MTSS1: variants seen among roughly 807,000 people sequenced by gnomAD.
MTSS1 encodes the protein MTSS I-BAR domain containing 1.
A neutral mutation model predicts 79.0 loss-of-function variants in MTSS1; 18 were observed. The observed-to-expected ratio is 0.23, with a 90% CI of 0.16 to 0.34. The LOEUF is 0.34. Ranked by LOEUF, MTSS1 falls within the 10% of genes least tolerant of loss-of-function variation. The pLI is 1.00. For synonymous variants in MTSS1, 341 were observed against 368.6 expected, an observed-to-expected ratio of 0.93 and a Z score of 0.86; for missense variants, 815 against 986.2, an observed-to-expected ratio of 0.83 and a Z score of 2.33.
chr8:124,728,093 C>T lies in MTSS1; in HGVS notation c.-138G>A, dbSNP rs1324734115. The T allele has an allele frequency of 3.1e-6, 2 of 646,776 alleles. No individual in the cohort carries two copies. Among genetic ancestry groups the T allele is most frequent in the African/African-American group, 1.9e-5 (1 of 52,368 alleles). 40.1% of individuals were successfully genotyped at this position (646,776 alleles called of 1,614,324 possible). A position where few individuals can be genotyped will look rare whatever the true frequency, so the allele number is the denominator to read the frequency against. On this transcript the variant is annotated 5_prime_UTR_variant, in exon 1 of 14. Transcript: ENST00000518547. The surrounding 1 kb of genome is among the most constrained non-coding windows in gnomAD (Gnocchi z 6.1). ...CTCGCAGCCTCTTCTGCAGCGAGGA[C>T]GGGGTGCACCAGACCGACTGTTCTC...
chr8:124,720,907 G>A (rs992735085), intron 1 of MTSS1, among the ~76,000 whole-genome samples: 1 of 152,144 alleles, frequency 6.6e-6, no homozygotes, highest in African/African-American at 2.4e-5. Flanking sequence ...CTCTTATCAG[G>A]TTCATCAGAC....
chr8:124,645,057 C>T (rs1818753347), intron 3 of MTSS1, among the ~76,000 whole-genome samples: 1 of 152,092 alleles, frequency 6.6e-6, no homozygotes, highest in Admixed American at 6.6e-5. Flanking sequence ...GAGACCCTCT[C>T]AAAATAGTGC....
chr8:124,697,693 T>C (rs1246340848), intron 3 of MTSS1, among the ~76,000 whole-genome samples: 2 of 152,118 alleles, frequency 1.3e-5, no homozygotes, highest in Admixed American at 1.3e-4. Context: ...TGCAATACTA[T>C]AGGCCCTGCA....
At chr8:124,608,958 T>C (rs781588778) in intron 3 of MTSS1, among the ~76,000 whole-genome samples, 2 of 152,214 alleles carry the variant, frequency 1.3e-5, no homozygotes, top group African/African-American at 2.4e-5. Flanking sequence ...TGTGCTAAAA[T>C]GTAGATTCTG....
At chr8:124,655,795 G>C (rs191319825) in intron 3 of MTSS1, among the ~76,000 whole-genome samples, 1 of 152,228 alleles carries the variant, frequency 6.6e-6, no homozygotes, top group East Asian at 1.9e-4. Flanking sequence ...CATCTCAGCT[G>C]GTCCTTGAAG....
At chr8:124,717,337 CAA>C (rs1417514442) in intron 1 of MTSS1, among the ~76,000 whole-genome samples, 1 of 136,170 alleles carries the variant, frequency 7.3e-6, no homozygotes, top group African/African-American at 2.7e-5. Flanking sequence ...ACTAAAGATA[CAA>C]AAAAAAAAAA....
At chr8:124,718,749 A>C (rs548748332) in intron 1 of MTSS1, among the ~76,000 whole-genome samples, 1 of 152,242 alleles carries the variant, frequency 6.6e-6, no homozygotes, top group Non-Finnish European at 1.5e-5. Context: ...CAGAGTGGTT[A>C]CTGGAGCGAC....
At chr8:124,577,199 C>T (rs576406382) in intron 6 of MTSS1, among the ~76,000 whole-genome samples, 11 of 152,322 alleles carry the variant, frequency 7.2e-5, no homozygotes, top group South Asian at 4.1e-4. Flanking sequence ...ATAAATAGCC[C>T]GGCCTCTGAA....
chr8:124,659,111 C>T (rs116276781), intron 3 of MTSS1, among the ~76,000 whole-genome samples: 5,491 of 152,246 alleles, frequency 0.036, 124 homozygotes, highest in South Asian at 0.074. Flanking sequence ...TAAGCAATTC[C>T]TTTACAAGAA....
intron 9 of MTSS1, chr8:124,564,687 T>TCATTCACACACACA (rs1554639347): frequency 1.3e-4 from 6 of 47,352 alleles, no homozygotes; most frequent in Admixed American, 1.8e-4. Flanking sequence ...GGTCTCTCTT[T>TCATTCACACACACA]CACTCACACA....
chr8:124,645,139 G>A (rs1056032193), intron 3 of MTSS1, among the ~76,000 whole-genome samples: 1 of 152,162 alleles, frequency 6.6e-6, no homozygotes, highest in African/African-American at 2.4e-5. Context: ...AGGCTGAGGT[G>A]AGAGGATCAC....
Position 124,553,641 on chromosome 8 carries a change from T to C in MTSS1, c.1619A>G (p.Gln540Arg), listed in dbSNP as rs1822961808. The C allele has an allele frequency of 6.2e-7, 1 of 1,614,004 alleles. No homozygotes were observed. Among genetic ancestry groups the C allele is most frequent in the Non-Finnish European group, 8.5e-7 (1 of 1,180,006 alleles). ...AATGGTGGAGGACTTGTCGAACTCC[T>C]GCTGATCTGCCTCCTGGTCACCACT... ...SVSGDQEADQQEFDKSSTIPR... is the reference protein window; with the variant it reads ...SVSGDQEADQREFDKSSTIPR... The change falls in exon 14 of 14, where the codon CAG becomes CGG. Residue 540 changes from glutamine (Q) to arginine (R), a missense_variant. By Grantham distance (43) the Gln-to-Arg change is conservative. Around this residue, in one of 2 missense-constraint regions of MTSS1, gnomAD observed 590 missense variants for 620.8 expected, o/e 0.95. Transcript: ENST00000518547. This position sits in a 1 kb window ranked among gnomAD's most constrained non-coding sequence, Gnocchi z 6.0.
intron 3 of MTSS1, among the ~76,000 whole-genome samples, chr8:124,634,693 T>C (rs1364730235): frequency 7.0e-6 from 1 of 143,658 alleles, no homozygotes; most frequent in East Asian, 2.1e-4. Context: ...TATTTTTCCC[T>C]CTTGTAGCTT....
Position 124,553,165 on chromosome 8 carries a change from C to G in MTSS1, c.2095G>C (p.Glu699Gln). The G allele has an allele frequency of 6.2e-7, 1 of 1,614,118 alleles. No individual in the cohort carries two copies. Among genetic ancestry groups the G allele is most frequent in the Non-Finnish European group, 8.5e-7 (1 of 1,180,036 alleles). The change falls in exon 14 of 14, where the codon GAA (glutamate) becomes CAA (glutamine). Residue 699 changes from glutamate to glutamine, a missense_variant. Transcript: ENST00000518547. This position sits in a 1 kb window ranked among gnomAD's most constrained non-coding sequence, Gnocchi z 6.0. Reference protein sequence around the residue: ...AIPESEAEDQEREPPSATVSP... With the variant: ...AIPESEAEDQQREPPSATVSP... The stretch of plus-strand genomic sequence containing the variant: ...ACAGTGGCACTTGGGGGTTCCCGTT[C>G]CTGGTCTTCAGCTTCACTTTCTGGA...
intron 3 of MTSS1, among the ~76,000 whole-genome samples, chr8:124,602,021 C>A (rs1833913228): frequency 6.6e-6 from 1 of 151,510 alleles, no homozygotes; most frequent in Admixed American, 6.6e-5. Context: ...ATCATGATGC[C>A]CTAGCTAAGA....
At position 124,618,093 on chromosome 8, in the gene MTSS1, C is replaced by T. The variant is rs1195034190; in HGVS notation, c.209-26858G>A. On this transcript the variant is annotated intron_variant, in intron 3 of 13. Coordinates refer to ENST00000518547, the MANE Select transcript of MTSS1 (RefSeq NM_014751.6). Reference sequence around the variant, plus strand: ...TCCTATAATAACATTCTCAAGATGCCTTTGAACAGAGAGGGTAAGGAACCT... The same window carrying T: ...TCCTATAATAACATTCTCAAGATGCTTTTGAACAGAGAGGGTAAGGAACCT... 2.6e-5 allele frequency among the ~76,000 whole-genome samples: 4 copies of T among 152,170 alleles called. No individual in the cohort carries two copies. The East Asian group carries it at 7.7e-4, about 29-fold the overall frequency.
intron 3 of MTSS1, among the ~76,000 whole-genome samples, chr8:124,665,665 C>A (rs1302278850): frequency 6.6e-6 from 1 of 151,820 alleles, no homozygotes; most frequent in African/African-American, 2.4e-5. Flanking sequence ...GTTGGGAGTT[C>A]GAGACCATCC....
Position 124,600,835 on chromosome 8 carries a change from C to T in MTSS1, c.209-9600G>A, listed in dbSNP as rs553312839. ...CAGAAGACCAAAGGCCTAGAAGGAGCGGCCCAGAGGGCTTGCCTGGAAGGT... is the reference window on the plus strand; with the variant it reads ...CAGAAGACCAAAGGCCTAGAAGGAGTGGCCCAGAGGGCTTGCCTGGAAGGT... On this transcript the variant is annotated intron_variant, in intron 3 of 13. Coordinates refer to ENST00000518547, the MANE Select transcript of MTSS1 (RefSeq NM_014751.6). Among the ~76,000 whole-genome samples the T allele has an allele frequency of 2.4e-4, 36 of 152,310 alleles. 1 individual carries two copies. The highest frequency in any genetic ancestry group is 1.0e-3 in the South Asian group (5 of 4,826).
intron 3 of MTSS1, among the ~76,000 whole-genome samples, chr8:124,609,317 G>A (rs1250450558): frequency 2.0e-5 from 3 of 152,112 alleles, no homozygotes; most frequent in Admixed American, 6.6e-5. Context: ...TCCTACCAAC[G>A]AGTGAAATGG....
Sources: allele counts gnomAD v4.1 joint callset (sites outside exome capture counted in the v4.1 genomes callset), GRCh38; gene constraint gnomAD v4.1.1; regional missense constraint gnomAD v4.1.1; non-coding constraint Gnocchi (gnomAD v3.1); transcripts MANE v1.5; gene names NCBI Gene and HGNC (gene_info 2026-07-23, HGNC 2026-07-21).